Variants in PPM1A observed in about 807,000 individuals in gnomAD.
PPM1A encodes the protein protein phosphatase, Mg2+/Mn2+ dependent 1A, also known as protein phosphatase 1A.
Under a neutral mutation model 35.0 loss-of-function variants are expected in PPM1A, and 7 were observed. The ratio of observed to expected loss-of-function variants is 0.20; its 90% CI spans 0.11 to 0.38. The LOEUF (loss-of-function observed/expected upper bound fraction) is 0.38. PPM1A is among the 10% of genes least tolerant of loss of function. PPM1A has a pLI of 1.00. For missense variants in PPM1A, 239 were observed against 467.8 expected (o/e 0.51, Z 4.51); for synonymous variants, 153 against 167.3 (o/e 0.91, Z 0.66).
intron 1 of PPM1A, among the ~76,000 whole-genome samples, chr14:60,261,119 A>G (rs1372743959): frequency 1.3e-5 from 2 of 152,180 alleles, no homozygotes; most frequent in Non-Finnish European, 2.9e-5. Context: ...TGGCTTGCCT[A>G]GAGTCTACCT....
chr14:60,285,480 G>T, intron 2 of PPM1A, 144 bp from the exon 3 acceptor site: 1 of 820,236 alleles, frequency 1.2e-6, no homozygotes, highest in Non-Finnish European at 1.9e-6. Context: ...ACGCACGCAT[G>T]CGTGCACATA....
At chr14:60,245,992 G>C, upstream of PPM1A, 2 of 1,579,264 alleles carry the variant, frequency 1.3e-6, no homozygotes, top group Non-Finnish European at 1.7e-6. This position sits in a 1 kb window ranked among gnomAD's most constrained non-coding sequence, Gnocchi z 4.2. Context: ...AAGGAGAAAT[G>C]AGAAAAGAGG....
At position 60,290,856 on chromosome 14, in the gene PPM1A, A is replaced by G. The variant is rs574468617; in HGVS notation, c.1062-541A>G. Among the ~76,000 whole-genome samples the G allele has an allele frequency of 1.4e-3, 209 of 152,260 alleles. 1 individual carries two copies. Among genetic ancestry groups the G allele is most frequent in the Admixed American group, 2.4e-3 (37 of 15,290 alleles). ...AGTCAATTTTGGAAGTAGGGAGACT[A>G]TAACTTATAAATATACTACAGATTT... On this transcript the variant is annotated intron_variant, in intron 4 of 5. Coordinates refer to ENST00000395076, the MANE Select transcript of PPM1A (RefSeq NM_021003.5).
rs1882029619 is a variant in PPM1A, at chr14:60,249,323, C to T, written c.-375C>T. ...CGTCCGGCCCGCAGCTTCGGGTCCT[C>T]AGGCGGCTGTTGCTCCGGAACGGGT... On this transcript the variant is annotated 5_prime_UTR_variant, in exon 1 of 6. Coordinates refer to ENST00000395076, the MANE Select transcript of PPM1A (RefSeq NM_021003.5). The surrounding 1 kb of genome is among the most constrained non-coding windows in gnomAD (Gnocchi z 4.5). 3.2e-6 allele frequency: 3 copies of T among 935,778 alleles called. No homozygotes were observed. The highest frequency in any genetic ancestry group is 2.9e-4 in the East Asian group (2 of 6,872). The allele number at this position is 935,778 out of a possible 1,614,324, so 58.0% of individuals were successfully genotyped here.
Position 60,298,075 on chromosome 14 carries a change from T to C in PPM1A, c.*5593T>C, listed in dbSNP as rs1888197130. The C allele has an allele frequency of 6.6e-6, 1 of 151,468 alleles. No individual in the cohort carries two copies. The highest frequency in any genetic ancestry group is 6.6e-5 in the Admixed American group (1 of 15,160). The allele number at this position is 151,468 out of a possible 1,614,324, so 9.4% of individuals were successfully genotyped here. A position where few individuals can be genotyped will look rare whatever the true frequency, so the allele number is the denominator to read the frequency against. The stretch of plus-strand genomic sequence containing the variant: ...AAAATATACTTTTTAAAAAATATTA[T>C]ATTTGGGGTGGGGAAAGTGATTAAA... On this transcript the variant is annotated 3_prime_UTR_variant, in exon 6 of 6. Coordinates refer to ENST00000395076, the MANE Select transcript of PPM1A (RefSeq NM_021003.5).
At chr14:60,290,307 A>G (rs543534050) in intron 4 of PPM1A, among the ~76,000 whole-genome samples, 1 of 152,254 alleles carries the variant, frequency 6.6e-6, no homozygotes, top group East Asian at 1.9e-4. Flanking sequence ...CACCCTGAAA[A>G]TTCCCCTTCC....
Position 60,297,894 on chromosome 14 carries a change from C to T in PPM1A, c.*5412C>T, listed in dbSNP as rs1264107906. 2.0e-5 allele frequency: 3 copies of T among 151,430 alleles called. No homozygotes were observed. The highest frequency in any genetic ancestry group is 4.4e-5 in the Non-Finnish European group (3 of 67,594). 9.4% of individuals were successfully genotyped at this position (151,430 alleles called of 1,614,324 possible). ...CAATATTGTAGTGGTTCATGGGCCC[C>T]CTGGTTAAGAGCCCATTCTAAAGTA... On this transcript the variant is annotated 3_prime_UTR_variant, in exon 6 of 6. Transcript: ENST00000395076.
chr14:60,247,019 C>T (rs1345234990), upstream of PPM1A, among the ~76,000 whole-genome samples: 1 of 152,182 alleles, frequency 6.6e-6, no homozygotes, highest in African/African-American at 2.4e-5. Context: ...GGTCCACTAC[C>T]GTCACTAGTG....
rs924125651 is a variant in PPM1A, at chr14:60,264,683, A to G, written c.-21+15006A>G. ...CATATCTTTGAATATTCATTTTCCA[A>G]TATTCCTTCTTAGTCTCTGTATTAT... On this transcript the variant is annotated intron_variant, in intron 1 of 5. Coordinates refer to ENST00000395076, the MANE Select transcript of PPM1A (RefSeq NM_021003.5). Among the ~76,000 whole-genome samples, 20 of 151,956 alleles carry G rather than the reference A, an allele frequency of 1.3e-4. No individual in the cohort carries two copies. In the South Asian group the frequency reaches 2.3e-3, roughly 17 times the overall value.
At chr14:60,263,005 T>A (rs2139391623) in intron 1 of PPM1A, among the ~76,000 whole-genome samples, 1 of 152,242 alleles carries the variant, frequency 6.6e-6, no homozygotes, top group Non-Finnish European at 1.5e-5. Flanking sequence ...GGTGGGCAGA[T>A]CAGGAGTTCA....
rs570947981 is a variant in PPM1A, at chr14:60,298,319, G to A, written c.*5837G>A. 5.3e-5 allele frequency: 8 copies of A among 151,716 alleles called. No homozygotes were observed. In the South Asian group the frequency reaches 1.7e-3, roughly 31 times the overall value. The allele number at this position is 151,716 out of a possible 1,614,324, so 9.4% of individuals were successfully genotyped here. A position where few individuals can be genotyped will look rare whatever the true frequency, so the allele number is the denominator to read the frequency against. On this transcript the variant is annotated 3_prime_UTR_variant, in exon 6 of 6. Transcript: ENST00000395076. ...AAGATTTTGAGCTTTCTAGTATTAG[G>A]ATTCATTAAATGTTCAATTCATTTC...
At chr14:60,277,061 A>T (rs1885850486) in intron 1 of PPM1A, 25 of 1,206,062 alleles carry the variant, frequency 2.1e-5, no homozygotes, top group Non-Finnish European at 2.7e-5. Flanking sequence ...GATGAGACTC[A>T]GCTTGTACTC....
In PPM1A at chr14:60,292,448, C is replaced by A; in HGVS notation, c.1120-5C>A. 2 of 1,597,414 alleles carry A rather than the reference C, an allele frequency of 1.3e-6. No individual in the cohort carries two copies. The highest frequency in any genetic ancestry group is 1.7e-4 in the Middle Eastern group (1 of 6,018). On this transcript the variant is annotated splice_polypyrimidine_tract_variant and splice_region_variant and intron_variant, in intron 5 of 5. Transcript: ENST00000395076. The surrounding 1 kb of genome is among the most constrained non-coding windows in gnomAD (Gnocchi z 4.2). Reference sequence around the variant, plus strand: ...TTGTTCCTTATTTTGCTTCCTTTTACAAAGGACTCTACATCAACAGATGAT... The same window carrying A: ...TTGTTCCTTATTTTGCTTCCTTTTAAAAAGGACTCTACATCAACAGATGAT...
chr14:60,247,328 A>G (rs780634514), upstream of PPM1A, among the ~76,000 whole-genome samples: 5 of 152,128 alleles, frequency 3.3e-5, no homozygotes, highest in Non-Finnish European at 7.4e-5. Context: ...ATGATCCACG[A>G]TCATCTTCTA....
At chr14:60,256,113 A>G (rs1883106214) in intron 1 of PPM1A, among the ~76,000 whole-genome samples, 2 of 152,234 alleles carry the variant, frequency 1.3e-5, no homozygotes, top group Admixed American at 1.3e-4. Flanking sequence ...AAAATGCTAG[A>G]CTATTTTCAG....
chr14:60,256,179 G>C (rs1009900395), intron 1 of PPM1A, among the ~76,000 whole-genome samples: 1 of 152,134 alleles, frequency 6.6e-6, no homozygotes, highest in African/African-American at 2.4e-5. Flanking sequence ...CCAGCACTTT[G>C]GGAGGCTGAG....
rs1044591851 is a variant in PPM1A, at chr14:60,292,504, G to T, written c.*22G>T. The T allele has an allele frequency of 1.6e-5, 25 of 1,581,276 alleles. No individual in the cohort carries two copies. The highest frequency in any genetic ancestry group is 2.0e-5 in the Non-Finnish European group (23 of 1,151,690). ...GTAAAACTGCTCATCTAGCCATGGA[G>T]TTTACCTTCACCTCCAAAGGAGAGT... On this transcript the variant is annotated 3_prime_UTR_variant, in exon 6 of 6. Transcript: ENST00000395076. This position sits in a 1 kb window ranked among gnomAD's most constrained non-coding sequence, Gnocchi z 4.2.
At chr14:60,250,129 C>T (rs1252905309) in intron 1 of PPM1A, among the ~76,000 whole-genome samples, 1 of 152,074 alleles carries the variant, frequency 6.6e-6, no homozygotes, top group African/African-American at 2.4e-5. Flanking sequence ...GGCGGGGAGA[C>T]TTCCTTTGAA....
Position 60,292,536 on chromosome 14 carries a change from C to G in PPM1A, c.*54C>G. On this transcript the variant is annotated 3_prime_UTR_variant, in exon 6 of 6. Transcript: ENST00000395076. This position sits in a 1 kb window ranked among gnomAD's most constrained non-coding sequence, Gnocchi z 4.2. ...TTCACCTCCAAAGGAGAGTACAGCTCAACTTTGTTGAAACTTTTAACATCC... is the reference window on the plus strand; with the variant it reads ...TTCACCTCCAAAGGAGAGTACAGCTGAACTTTGTTGAAACTTTTAACATCC... The G allele has an allele frequency of 6.7e-7, 1 of 1,493,064 alleles. No individual in the cohort carries two copies. Among genetic ancestry groups the G allele is most frequent in the Non-Finnish European group, 9.3e-7 (1 of 1,078,738 alleles). The allele number at this position is 1,493,064 out of a possible 1,614,324, so 92.5% of individuals were successfully genotyped here.
Sources: allele counts gnomAD v4.1 joint callset (sites outside exome capture counted in the v4.1 genomes callset), GRCh38; gene constraint gnomAD v4.1.1; non-coding constraint Gnocchi (gnomAD v3.1); transcripts MANE v1.5; gene names NCBI Gene and HGNC (gene_info 2026-07-23, HGNC 2026-07-21).